LIMCH1: variants seen among roughly 807,000 people sequenced by gnomAD.
LIMCH1 encodes LIM and calponin homology domains-containing protein 1.
LIMCH1 carries 113 observed loss-of-function variants against 176.5 expected under a neutral mutation model. That is an observed-to-expected ratio of 0.64 (90% CI 0.55 to 0.75). The LOEUF is 0.75. LIMCH1 is among the 30% of genes least tolerant of loss of function. The pLI, the probability that LIMCH1 is intolerant of heterozygous loss-of-function variation, is 0.00. For synonymous variants in LIMCH1, 619 were observed against 645.9 expected (o/e 0.96, Z 0.63); for missense variants, 1,674 against 1,814.9 (o/e 0.92, Z 1.41).
upstream of LIMCH1, among the ~76,000 whole-genome samples, chr4:41,536,347 C>T (rs891592693): frequency 6.6e-6 from 1 of 152,168 alleles, no homozygotes. Context: ...ACTCGCTAGA[C>T]GCCTCTCTTG....
chr4:41,629,644 AC>A lies in LIMCH1; in HGVS notation c.1183del (p.Arg395AlafsTer12). ...AGAATTCAGGGCAGCCTTGCCCCTC[AC>A]CGCGAGCCCCCGAGCTTCATTACGC... ...QQRIQGSLAP[H>X]REPPSFITLS... On this transcript the variant is annotated frameshift_variant, in exon 9 of 32. Coordinates refer to ENST00000503057, the MANE Select transcript of LIMCH1 (RefSeq NM_001330672.2). LOFTEE classifies it high-confidence loss of function. 1 of 1,535,686 alleles carries A rather than the reference AC, an allele frequency of 6.5e-7. No individual in the cohort carries two copies. Among genetic ancestry groups the A allele is most frequent in the Non-Finnish European group, 8.7e-7 (1 of 1,146,802 alleles).
intron 1 of LIMCH1, among the ~76,000 whole-genome samples, chr4:41,589,253 A>C (rs2087039825): frequency 6.6e-6 from 1 of 152,152 alleles, no homozygotes; most frequent in Non-Finnish European, 1.5e-5. Context: ...TGTCCCAGTT[A>C]TTGTTGTTCT....
chr4:41,554,823 T>A (rs2081017427), intron 1 of LIMCH1, among the ~76,000 whole-genome samples: 1 of 152,206 alleles, frequency 6.6e-6, no homozygotes, highest in African/African-American at 2.4e-5. Context: ...CATTCATTCA[T>A]TCCATAAATA....
intron 5 of LIMCH1, among the ~76,000 whole-genome samples, chr4:41,616,261 T>TA (rs2092059287): frequency 6.6e-6 from 1 of 151,344 alleles, no homozygotes; most frequent in Non-Finnish European, 1.5e-5. Context: ...AAAGATACAT[T>TA]AAAAAAAAGT....
intron 1 of LIMCH1, among the ~76,000 whole-genome samples, chr4:41,551,726 A>G (rs2080459730): frequency 6.6e-6 from 1 of 152,198 alleles, no homozygotes; most frequent in Non-Finnish European, 1.5e-5. Flanking sequence ...CAGTGTCTAT[A>G]AACATAGTTT....
At chr4:41,539,161 G>A (rs1443707832) in intron 1 of LIMCH1, among the ~76,000 whole-genome samples, 1 of 152,066 alleles carries the variant, frequency 6.6e-6, no homozygotes, top group African/African-American at 2.4e-5. Flanking sequence ...TTGTGGAGTC[G>A]GGAAATCTAT....
At chr4:41,609,997 C>T (rs570159636) in intron 4 of LIMCH1, among the ~76,000 whole-genome samples, 10 of 152,204 alleles carry the variant, frequency 6.6e-5, no homozygotes, top group East Asian at 5.8e-4. Flanking sequence ...TTCCTCGGGA[C>T]GAGCTTGGCC....
intron 1 of LIMCH1, among the ~76,000 whole-genome samples, chr4:41,446,460 A>C (rs1219275368): frequency 6.6e-6 from 1 of 152,230 alleles, no homozygotes; most frequent in East Asian, 1.9e-4. Context: ...AACTTTTAGA[A>C]GTCAGTGTTC....
intron 8 of LIMCH1, among the ~76,000 whole-genome samples, chr4:41,628,809 G>A (rs111860791): frequency 1.4e-4 from 22 of 152,244 alleles, no homozygotes; most frequent in South Asian, 4.1e-4. Context: ...AAAGGTGAAC[G>A]GTTATTAACA....
chr4:41,381,918 G>C (rs1290474740), intron 1 of LIMCH1, among the ~76,000 whole-genome samples: 1 of 152,098 alleles, frequency 6.6e-6, no homozygotes, highest in Non-Finnish European at 1.5e-5. Flanking sequence ...ATCATCCCTG[G>C]CCTGTACTCA....
intron 4 of LIMCH1, among the ~76,000 whole-genome samples, chr4:41,608,671 G>C (rs2091042639): frequency 1.3e-5 from 2 of 151,920 alleles, no homozygotes; most frequent in Non-Finnish European, 2.9e-5. Context: ...TGCTACTGCT[G>C]TATTTTTTTT....
chr4:41,492,826 A>G (rs2071337854), intron 1 of LIMCH1, among the ~76,000 whole-genome samples: 1 of 152,176 alleles, frequency 6.6e-6, no homozygotes, highest in Non-Finnish European at 1.5e-5. Context: ...GGATTCTTGC[A>G]TCTTCCTGAT....
At position 41,631,987 on chromosome 4, in the gene LIMCH1, A is replaced by G. The variant is rs148016834; in HGVS notation, c.1601+510A>G. On this transcript the variant is annotated intron_variant, in intron 10 of 31. Coordinates refer to ENST00000503057, the MANE Select transcript of LIMCH1 (RefSeq NM_001330672.2). ...AATTATATAATAAATCAGGAGTCTT[A>G]AAAACCTCCTCTTTGGGGGTTTCTG... Among the ~76,000 whole-genome samples, 409 of 152,328 alleles carry G rather than the reference A, an allele frequency of 2.7e-3. 1 individual carries two copies. Among genetic ancestry groups the G allele is most frequent in the Middle Eastern group, 6.8e-3 (2 of 294 alleles).
At chr4:41,605,248 T>G (rs2090539339) in intron 3 of LIMCH1, among the ~76,000 whole-genome samples, 1 of 152,210 alleles carries the variant, frequency 6.6e-6, no homozygotes, top group African/African-American at 2.4e-5. Flanking sequence ...GTAGCAAGCC[T>G]TGTCAAGGCT....
intron 12 of LIMCH1, 27 bp from the exon 13 acceptor site, chr4:41,633,521 G>A (rs2093432397): frequency 6.5e-7 from 1 of 1,531,488 alleles, no homozygotes; most frequent in Admixed American, 2.0e-5. Flanking sequence ...AGTGGCCTTT[G>A]ACTGGCTGGA....
chr4:41,404,760 C>G (rs2058791530), intron 1 of LIMCH1, among the ~76,000 whole-genome samples: 3 of 152,148 alleles, frequency 2.0e-5, no homozygotes, highest in Admixed American at 6.5e-5. Flanking sequence ...GCCTGGGTGA[C>G]AGAGTGAGAT....
At chr4:41,454,781 G>A (rs903372468) in intron 1 of LIMCH1, among the ~76,000 whole-genome samples, 2 of 152,192 alleles carry the variant, frequency 1.3e-5, no homozygotes, top group African/African-American at 2.4e-5. Flanking sequence ...TTATTAGGCT[G>A]TTTTCAATGC....
At chr4:41,433,315 A>T (rs980634689) in intron 1 of LIMCH1, among the ~76,000 whole-genome samples, 2 of 152,178 alleles carry the variant, frequency 1.3e-5, no homozygotes, top group African/African-American at 2.4e-5. Context: ...GAAACACTTG[A>T]ATGTATATAT....
chr4:41,518,736 C>T (rs183325445), intron 2 of LIMCH1, among the ~76,000 whole-genome samples: 34 of 152,178 alleles, frequency 2.2e-4, no homozygotes, highest in African/African-American at 8.2e-4. Flanking sequence ...CCTCTTCTTG[C>T]CCCCCACCCC....
Sources: allele counts gnomAD v4.1 joint callset (sites outside exome capture counted in the v4.1 genomes callset), GRCh38; gene constraint gnomAD v4.1.1; transcripts MANE v1.5; gene names NCBI Gene and HGNC (gene_info 2026-07-23, HGNC 2026-07-21).